Variants in FSTL5 observed in about 807,000 individuals in gnomAD.
The protein encoded by FSTL5 is follistatin-related protein 5.
A neutral mutation model predicts 89.1 loss-of-function variants in FSTL5; 62 were observed. The observed-to-expected ratio is 0.70, with a 90% CI of 0.57 to 0.86. FSTL5 has a LOEUF of 0.86. FSTL5 is among the 40% of genes least tolerant of loss of function. The probability of loss-of-function intolerance (pLI) is 0.00; values close to 1 mark genes in which losing one functional copy is unlikely to be tolerated. For missense variants in FSTL5, 1,057 were observed against 1,001.6 expected, an observed-to-expected ratio of 1.06 and a Z score of -0.75; for synonymous variants, 383 against 346.2, an observed-to-expected ratio of 1.11 and a Z score of -1.18.
intron 2 of FSTL5, among the ~76,000 whole-genome samples, chr4:162,083,572 T>C (rs1050139614): frequency 6.6e-6 from 1 of 151,760 alleles, no homozygotes; most frequent in African/African-American, 2.4e-5. Flanking sequence ...TTGGAAGAGA[T>C]CTTCTCCCTG....
chr4:161,996,020 C>T (rs62329591), intron 3 of FSTL5, among the ~76,000 whole-genome samples: 2 of 152,166 alleles, frequency 1.3e-5, no homozygotes, highest in African/African-American at 4.8e-5. Flanking sequence ...GGAGTTAATG[C>T]AGTTACACAA....
chr4:161,720,425 C>T (rs752668540), intron 6 of FSTL5, among the ~76,000 whole-genome samples: 8 of 151,898 alleles, frequency 5.3e-5, no homozygotes, highest in Admixed American at 2.6e-4. Flanking sequence ...GAATGTAAAT[C>T]GGTGTAGTCA....
intron 15 of FSTL5, among the ~76,000 whole-genome samples, chr4:161,401,966 A>G (rs1419752947): frequency 2.6e-5 from 4 of 152,162 alleles, no homozygotes; most frequent in Non-Finnish European, 2.9e-5. Flanking sequence ...TTCTTATTTT[A>G]CTAATTGATT....
chr4:161,866,953 A>G (rs1030333878), intron 4 of FSTL5, among the ~76,000 whole-genome samples: 6 of 152,024 alleles, frequency 3.9e-5, no homozygotes, highest in African/African-American at 1.4e-4. Context: ...TCCACAAGAG[A>G]AAAGCAGGAA....
intron 7 of FSTL5, among the ~76,000 whole-genome samples, chr4:161,649,518 G>T (rs557992116): frequency 5.3e-5 from 8 of 152,086 alleles, no homozygotes; most frequent in East Asian, 1.9e-4. Context: ...TTTACCAAAG[G>T]TATAAAAATG....
chr4:161,503,698 A>G (rs750820655), intron 11 of FSTL5, among the ~76,000 whole-genome samples: 3 of 151,910 alleles, frequency 2.0e-5, no homozygotes, highest in Non-Finnish European at 2.9e-5. Context: ...GTTTTAGATA[A>G]TATCACTCTG....
intron 4 of FSTL5, among the ~76,000 whole-genome samples, chr4:161,830,907 T>C (rs1191984724): frequency 6.6e-6 from 1 of 151,954 alleles, no homozygotes; most frequent in Non-Finnish European, 1.5e-5. Flanking sequence ...CCCCATAGGA[T>C]TCTGCATTGT....
chr4:161,523,219 T>C (rs1398859750), intron 10 of FSTL5, among the ~76,000 whole-genome samples: 1 of 152,116 alleles, frequency 6.6e-6, no homozygotes, highest in Non-Finnish European at 1.5e-5. Context: ...TATAAGTAAA[T>C]TGACAAGCAG....
chr4:162,014,940 C>T (rs540894652), intron 3 of FSTL5, among the ~76,000 whole-genome samples: 2 of 152,238 alleles, frequency 1.3e-5, no homozygotes, highest in African/African-American at 4.8e-5. Flanking sequence ...GCTAGAAATG[C>T]TACTCAAGGT....
At chr4:161,864,848 A>G (rs7674621) in intron 4 of FSTL5, among the ~76,000 whole-genome samples, 57,823 of 142,828 alleles carry the variant, frequency 0.4, 12,057 homozygotes, top group South Asian at 0.53. Flanking sequence ...CTCCGGGCTG[A>G]CGACAGAGCA....
At chr4:162,070,427 G>A (rs1185455575) in intron 2 of FSTL5, among the ~76,000 whole-genome samples, 2 of 151,704 alleles carry the variant, frequency 1.3e-5, no homozygotes, top group Non-Finnish European at 2.9e-5. Context: ...TCTTCACACA[G>A]ACCAATCTCC....
At chr4:161,890,898 T>A (rs1732967353) in intron 4 of FSTL5, among the ~76,000 whole-genome samples, 2 of 152,116 alleles carry the variant, frequency 1.3e-5, no homozygotes, top group Non-Finnish European at 2.9e-5. Context: ...CTCTTTTGAT[T>A]GAACGTTAAA....
At chr4:161,874,623 T>C (rs1332630299) in intron 4 of FSTL5, among the ~76,000 whole-genome samples, 4 of 151,434 alleles carry the variant, frequency 2.6e-5, no homozygotes, top group African/African-American at 9.7e-5. Context: ...TCTTTGATGA[T>C]TTCCATCTCT....
At chr4:161,722,757 A>G (rs958392641) in intron 6 of FSTL5, among the ~76,000 whole-genome samples, 1 of 152,148 alleles carries the variant, frequency 6.6e-6, no homozygotes, top group African/African-American at 2.4e-5. Context: ...TTTAAATGGC[A>G]TATCTCATAG....
intron 4 of FSTL5, 109 bp from the exon 5 acceptor site, chr4:161,776,183 T>A (rs1245100925): frequency 1.7e-6 from 1 of 587,298 alleles, no homozygotes; most frequent in African/African-American, 1.9e-5. Flanking sequence ...TACATAATTT[T>A]TACTTTTCTG....
intron 3 of FSTL5, among the ~76,000 whole-genome samples, chr4:162,018,681 A>G (rs1045999554): frequency 6.6e-6 from 1 of 152,000 alleles, no homozygotes; most frequent in Non-Finnish European, 1.5e-5. Context: ...CCATCTGCTA[A>G]CTCAGTATTT....
chr4:161,394,734 G>A (rs1319864939), intron 15 of FSTL5, among the ~76,000 whole-genome samples: 1 of 152,062 alleles, frequency 6.6e-6, no homozygotes, highest in African/African-American at 2.4e-5. Context: ...ACATAAAATA[G>A]GTTGTAATAT....
At chr4:161,407,173 C>T (rs1194853856) in intron 15 of FSTL5, among the ~76,000 whole-genome samples, 2 of 152,156 alleles carry the variant, frequency 1.3e-5, no homozygotes, top group African/African-American at 4.8e-5. Context: ...GAATTGTACA[C>T]TTTAAAATTT....
At chr4:161,796,666 T>G (rs1463883506) in intron 4 of FSTL5, among the ~76,000 whole-genome samples, 1 of 151,742 alleles carries the variant, frequency 6.6e-6, no homozygotes, top group Non-Finnish European at 1.5e-5. Flanking sequence ...AAATTCATCA[T>G]TTTTCTATTA....
Sources: gnomAD v4.1 joint callset for allele counts (sites outside exome capture counted in the v4.1 genomes callset) on GRCh38, gnomAD v4.1.1 for gene constraint, MANE v1.5 for transcripts, NCBI Gene and HGNC (gene_info 2026-07-23, HGNC 2026-07-21) for gene names.